Variants in DAAM1 observed in about 807,000 individuals in gnomAD.
DAAM1 encodes the protein dishevelled associated activator of morphogenesis 1.
A neutral mutation model predicts 130.0 loss-of-function variants in DAAM1; 52 were observed. The observed-to-expected ratio is 0.40, with a 90% CI of 0.32 to 0.50. The LOEUF is 0.50. DAAM1 is among the 20% of genes least tolerant of loss of function. DAAM1 has a pLI of 0.61. For synonymous variants in DAAM1, 452 were observed against 444.5 expected (o/e 1.02, Z -0.21); for missense variants, 1,134 against 1,303.8 (o/e 0.87, Z 2.01).
intron 11 of DAAM1, 39 bp from the exon 12 acceptor site, chr14:59,326,894 A>G (rs1885223447): frequency 4.3e-6 from 7 of 1,611,694 alleles, no homozygotes; most frequent in Non-Finnish European, 5.9e-6. Context: ...TGGACCTTTT[A>G]TATTTTTTGT....
rs528383096 is a variant in DAAM1 at position 59,195,291 on chromosome 14, C to A, written c.-38+6523C>A. 1.2e-4 allele frequency among the ~76,000 whole-genome samples: 19 copies of A among 152,028 alleles called. No homozygotes were observed. In the East Asian group the frequency reaches 3.5e-3, roughly 28 times the overall value. On this transcript the variant is annotated intron_variant, in intron 1 of 24. Coordinates refer to ENST00000360909, the MANE Select transcript of DAAM1 (RefSeq NM_001270520.2). ...CCTGAGTAGCTGGGACTACAGGTGT[C>A]CACCACCACGCCCAGCTAATTTTTT...
chr14:59,221,239 T>A (rs1193807251), intron 1 of DAAM1, among the ~76,000 whole-genome samples: 1 of 152,234 alleles, frequency 6.6e-6, no homozygotes, highest in African/African-American at 2.4e-5. Flanking sequence ...TAGAAAATTA[T>A]CATTACTGAA....
At chr14:59,302,517 C>T (rs1182070233) in intron 3 of DAAM1, among the ~76,000 whole-genome samples, 5 of 152,164 alleles carry the variant, frequency 3.3e-5, no homozygotes, top group African/African-American at 4.8e-5. Context: ...GGTGCTGCAC[C>T]ATGGGAAGAA....
At chr14:59,281,120 T>C (rs191087045) in intron 2 of DAAM1, among the ~76,000 whole-genome samples, 2 of 152,300 alleles carry the variant, frequency 1.3e-5, no homozygotes, top group East Asian at 1.9e-4. Flanking sequence ...ATACCTGCTA[T>C]GGAACGTTCA....
chr14:59,258,909 A>G (rs551063024), intron 1 of DAAM1, among the ~76,000 whole-genome samples: 3 of 152,324 alleles, frequency 2.0e-5, no homozygotes, highest in Admixed American at 1.3e-4. Context: ...AAGGATTTCA[A>G]TTAGGTTCTT....
intron 1 of DAAM1, among the ~76,000 whole-genome samples, chr14:59,239,110 C>T (rs942943737): frequency 3.3e-5 from 5 of 152,156 alleles, no homozygotes; most frequent in African/African-American, 1.2e-4. Flanking sequence ...CTCTTTTTCT[C>T]TCAGGGTTGT....
intron 16 of DAAM1, 45 bp downstream of exon 16, chr14:59,340,225 C>T: frequency 6.4e-7 from 1 of 1,569,680 alleles, no homozygotes. Flanking sequence ...ACCAACATTT[C>T]CATTCTGTGG....
intron 1 of DAAM1, among the ~76,000 whole-genome samples, chr14:59,203,894 C>T (rs1446704783): frequency 6.6e-6 from 1 of 152,158 alleles, no homozygotes; most frequent in Non-Finnish European, 1.5e-5. Context: ...ATAAAACTAA[C>T]TGTGTTGGAT....
intron 13 of DAAM1, among the ~76,000 whole-genome samples, chr14:59,330,978 A>G (rs1374080423): frequency 1.3e-5 from 2 of 152,184 alleles, no homozygotes; most frequent in East Asian, 1.9e-4. Flanking sequence ...AAGAAGTGAG[A>G]GAGATATGAA....
chr14:59,288,911 TTTTTTG>T (rs1883589701), intron 2 of DAAM1, among the ~76,000 whole-genome samples: 1 of 149,156 alleles, frequency 6.7e-6, no homozygotes, highest in Non-Finnish European at 1.5e-5. Context: ...GTTTGTTTGT[TTTTTTG>T]TTGTTGTTTT....
Position 59,315,354 on chromosome 14 carries a change from A to G in DAAM1, c.345+3A>G. 5 of 1,613,484 alleles carry G rather than the reference A, an allele frequency of 3.1e-6. No individual in the cohort carries two copies. The highest frequency in any genetic ancestry group is 4.2e-6 in the Non-Finnish European group (5 of 1,179,574). ...ATCAGCTCAATTCCATGGCTGCTGT[A>G]AGTAGACTTTTATGTTCTTTGACAC... On this transcript the variant is annotated splice_donor_region_variant and intron_variant, in intron 4 of 24. Transcript: ENST00000360909.
chr14:59,355,163 A>C lies in DAAM1; in HGVS notation c.2357-2A>C. The C allele has an allele frequency of 6.2e-7, 1 of 1,605,260 alleles. No individual in the cohort carries two copies. The highest frequency in any genetic ancestry group is 8.5e-7 in the Non-Finnish European group (1 of 1,175,834). ...CATGTTTTTATGTGTTTTGTTTTGA[A>C]GCAATTCGTTCTGGCTCAGAAGAGG... On this transcript the variant is annotated splice_acceptor_variant, in intron 19 of 24. Transcript: ENST00000360909. LOFTEE classifies it high-confidence loss of function.
chr14:59,298,834 C>G (rs184099724), intron 3 of DAAM1, among the ~76,000 whole-genome samples: 1 of 152,286 alleles, frequency 6.6e-6, no homozygotes, highest in African/African-American at 2.4e-5. Flanking sequence ...TTGGGTCATT[C>G]CAGCTGTGTC....
intron 18 of DAAM1, 58 bp downstream of exon 18, chr14:59,352,690 AT>A (rs1243617485): frequency 3.1e-5 from 45 of 1,459,680 alleles, no homozygotes; most frequent in Non-Finnish European, 1.9e-6. Context: ...AGCTTCATGA[AT>A]TTTCAATTCA....
rs1456065478 is a variant in DAAM1, at chr14:59,322,763, T to C, written c.441-129T>C. On this transcript the variant is annotated intron_variant, in intron 5 of 24. Coordinates refer to ENST00000360909, the MANE Select transcript of DAAM1 (RefSeq NM_001270520.2). ...GGAAGAGGCAAAGAATTAAAAAGAC[T>C]TCATCAATGTAAGCCTTTTGGCACT... The C allele has an allele frequency of 4.2e-6, 3 of 717,750 alleles. No individual in the cohort carries two copies. In the African/African-American group the frequency reaches 5.3e-5, roughly 13 times the overall value. The allele number at this position is 717,750 out of a possible 1,614,324, so 44.5% of individuals were successfully genotyped here.
At chr14:59,317,587 G>A (rs1884839023) in intron 4 of DAAM1, among the ~76,000 whole-genome samples, 1 of 152,146 alleles carries the variant, frequency 6.6e-6, no homozygotes, top group African/African-American at 2.4e-5. Context: ...TGTCCACATT[G>A]TCATCACCCA....
intron 12 of DAAM1, among the ~76,000 whole-genome samples, chr14:59,329,861 A>G (rs1475529830): frequency 6.6e-6 from 1 of 152,202 alleles, no homozygotes; most frequent in Non-Finnish European, 1.5e-5. Context: ...TCCCCTTAAG[A>G]TATTTAATAC....
chr14:59,329,375 T>C (rs889576302), intron 12 of DAAM1, among the ~76,000 whole-genome samples: 2 of 152,078 alleles, frequency 1.3e-5, no homozygotes, highest in Admixed American at 6.6e-5. Flanking sequence ...CTGGAGAAGT[T>C]AGGGAGGCAA....
At chr14:59,356,534 C>A (rs1886486061) in intron 20 of DAAM1, among the ~76,000 whole-genome samples, 1 of 152,170 alleles carries the variant, frequency 6.6e-6, no homozygotes, top group Non-Finnish European at 1.5e-5. Context: ...ATTCAGCTTG[C>A]CTATGGTTAC....
Sources: gnomAD v4.1 joint callset for allele counts (sites outside exome capture counted in the v4.1 genomes callset) on GRCh38, gnomAD v4.1.1 for gene constraint, MANE v1.5 for transcripts, NCBI Gene and HGNC (gene_info 2026-07-23, HGNC 2026-07-21) for gene names.